Variants in NOP56 observed in about 807,000 individuals in gnomAD.
NOP56 encodes the protein nucleolar protein 56.
A neutral mutation model predicts 58.3 loss-of-function variants in NOP56; 31 were observed. That is an observed-to-expected ratio of 0.53 (90% CI 0.40 to 0.72). NOP56 has a LOEUF of 0.72. Among genes scored for constraint, NOP56 ranks in the 30% least tolerant of loss-of-function variants. NOP56 has a pLI of 0.00. For synonymous variants in NOP56, 313 were observed against 282.8 expected (o/e 1.11, Z -1.07); for missense variants, 669 against 739.9 (o/e 0.90, Z 1.11).
In NOP56 at chr20:2,656,783, C is replaced by A. The variant is rs1244539943; in HGVS notation, c.1169C>A (p.Thr390Lys). 6.2e-7 allele frequency: 1 copy of A among 1,613,944 alleles called. No individual in the cohort carries two copies. The highest frequency in any genetic ancestry group is 1.3e-5 in the African/African-American group (1 of 74,872). Residue 390 changes from threonine to lysine, a missense_variant, in exon 10 of 12, where the codon ACG becomes AAG. Physicochemically the swap from Thr to Lys is moderately conservative, Grantham distance 78 (BLOSUM62 -1). This residue lies in a region of NOP56 where 339 missense variants were observed against 430.5 expected (regional missense o/e 0.79). Coordinates refer to ENST00000329276, the MANE Select transcript of NOP56 (RefSeq NM_006392.4). ...ACCCACACACATCCAGAGGTGCCCA[C>A]GAGTGTATTCGGGGAGAAGCTTCGA... is the stretch of plus-strand genomic sequence containing the variant. Reference protein sequence around the residue: ...SRIDCFSEVPTSVFGEKLREQ... With the variant: ...SRIDCFSEVPKSVFGEKLREQ...
In NOP56 at chr20:2,653,407, C is replaced by T. The variant is rs569668110; in HGVS notation, c.208+14C>T. ...CCGTGTCTGAAGGTAAGTCGGCCAC[C>T]GCCAAGTGTCACAGAGAGATGTGGT... On this transcript the variant is annotated intron_variant, in intron 3 of 11. Coordinates refer to ENST00000329276, the MANE Select transcript of NOP56 (RefSeq NM_006392.4). 29 of 1,596,786 alleles carry T rather than the reference C, an allele frequency of 1.8e-5. No homozygotes were observed. The highest frequency in any genetic ancestry group is 2.4e-5 in the Non-Finnish European group (28 of 1,164,156).
In NOP56 at chr20:2,652,649, G is replaced by A; in HGVS notation, c.-12G>A. 7.0e-7 allele frequency: 1 copy of A among 1,425,360 alleles called. No individual in the cohort carries two copies. Among genetic ancestry groups the A allele is most frequent in the Non-Finnish European group, 9.1e-7 (1 of 1,097,670 alleles). The allele number at this position is 1,425,360 out of a possible 1,614,324, so 88.3% of individuals were successfully genotyped here. On this transcript the variant is annotated 5_prime_UTR_variant, in exon 1 of 12. Coordinates refer to ENST00000329276, the MANE Select transcript of NOP56 (RefSeq NM_006392.4). ...CTAGCCGCATTGCGAGCCGAACCCGGGAGCTGGCGCCATGGTGAGGAGTGG... is the reference window on the plus strand; with the variant it reads ...CTAGCCGCATTGCGAGCCGAACCCGAGAGCTGGCGCCATGGTGAGGAGTGG...
chr20:2,656,076 G>A (rs2086812831), intron 8 of NOP56, 42 bp downstream of exon 8: 1 of 1,613,800 alleles, frequency 6.2e-7, no homozygotes, highest in African/African-American at 1.3e-5. Context: ...TGCCACTTCT[G>A]GTGCCCACTG....
chr20:2,656,124 C>T (rs775814004), intron 8 of NOP56, 90 bp downstream of exon 8: 2 of 1,612,604 alleles, frequency 1.2e-6, no homozygotes, highest in Admixed American at 1.7e-5. Context: ...ACCAGGGCTC[C>T]CTGACCTATA....
chr20:2,652,757 GCGCC>G, intron 1 of NOP56, 81 bp from the exon 2 acceptor site: 1 of 510,076 alleles, frequency 2.0e-6, no homozygotes, highest in Non-Finnish European at 2.8e-6. Flanking sequence ...GCCTGGGCCT[GCGCC>G]TGCGCCTGCG....
chr20:2,657,329 A>T, intron 11 of NOP56, 111 bp downstream of exon 11: 1 of 1,478,706 alleles, frequency 6.8e-7, no homozygotes, highest in Non-Finnish European at 9.4e-7. Context: ...TTTTGGACTG[A>T]AACAAGGACC....
In NOP56 at chr20:2,654,404, T is replaced by C. The variant is rs1174811144; in HGVS notation, c.209-10T>C. The C allele has an allele frequency of 6.2e-7, 1 of 1,614,084 alleles. No individual in the cohort carries two copies. Among genetic ancestry groups the C allele is most frequent in the Admixed American group, 1.7e-5 (1 of 60,010 alleles). ...AGCCTGTTAGTGGGAACTGTGTTCTTTCCCCTGAGGGGTTGTTCATGAGGA... is the reference window on the plus strand; with the variant it reads ...AGCCTGTTAGTGGGAACTGTGTTCTCTCCCCTGAGGGGTTGTTCATGAGGA... On this transcript the variant is annotated splice_polypyrimidine_tract_variant and intron_variant, in intron 3 of 11. Coordinates refer to ENST00000329276, the MANE Select transcript of NOP56 (RefSeq NM_006392.4).
chr20:2,653,032 G>A (rs969565241), intron 2 of NOP56, 101 bp downstream of exon 2: 11 of 1,112,220 alleles, frequency 9.9e-6, no homozygotes, highest in Non-Finnish European at 1.4e-5. Context: ...GAGCGGTTCG[G>A]GGCGGGGGGA....
At chr20:2,652,757 G>GGT in intron 1 of NOP56, 85 bp from the exon 2 acceptor site, 2 of 510,074 alleles carry the variant, frequency 3.9e-6, no homozygotes, top group South Asian at 9.3e-5. Flanking sequence ...GCCTGGGCCT[G>GGT]CGCCTGCGCC....
In NOP56 at chr20:2,655,611, C is replaced by T. The variant is rs142927531; in HGVS notation, c.774C>T (p.Ala258=). Residue 258 remains alanine (A), a synonymous_variant, in exon 7 of 12, where the codon GCC becomes GCT. Transcript: ENST00000329276. ...SRSSMGMDIS[A]IDLINIESFS... ...TTTTCCTAGGCATGGACATATCTGC[C>T]ATTGACTTGATAAACATCGAGAGCT... The T allele has an allele frequency of 1.9e-5, 30 of 1,614,058 alleles. No individual in the cohort carries two copies. The highest frequency in any genetic ancestry group is 2.4e-5 in the Non-Finnish European group (28 of 1,180,046).
In NOP56 at chr20:2,656,826, A is replaced by C; in HGVS notation, c.1212A>C (p.Arg404=). ...GEKLREQVEE[R]LSFYETGEIP... is the part of the protein sequence containing the mutation. Reference sequence around the variant, plus strand: ...AGCTTCGAGAACAAGTTGAAGAGCGACTGTCCTTCTATGAGACTGGAGAGA... The same window carrying C: ...AGCTTCGAGAACAAGTTGAAGAGCGCCTGTCCTTCTATGAGACTGGAGAGA... The change falls in exon 10 of 12, where the codon CGA becomes CGC. Residue 404 remains arginine, a synonymous_variant. Transcript: ENST00000329276. The C allele has an allele frequency of 1.2e-6, 2 of 1,614,148 alleles. No individual in the cohort carries two copies. Among genetic ancestry groups the C allele is most frequent in the Non-Finnish European group, 1.7e-6 (2 of 1,180,036 alleles).
chr20:2,655,337 G>A lies in NOP56; in HGVS notation c.582G>A (p.Gly194=). 6.2e-7 allele frequency: 1 copy of A among 1,614,184 alleles called. No homozygotes were observed. ...TGGCTCTTTGCAGGGAGTGGTACGG[G>A]TATCACTTTCCGGAGCTGGTGAAGA... is the stretch of plus-strand genomic sequence containing the variant. ...TFSMRVREWY[G]YHFPELVKII... Residue 194 remains glycine (G), a synonymous_variant, in exon 6 of 12, where the codon GGG becomes GGA. Transcript: ENST00000329276.
At chr20:2,656,931 C>T (rs1022591396) in intron 10 of NOP56, 36 bp downstream of exon 10, 1 of 1,613,960 alleles carries the variant, frequency 6.2e-7, no homozygotes, top group Non-Finnish European at 8.5e-7. Context: ...AGTGGCATAG[C>T]TAGCTGTTGG....
intron 9 of NOP56, 96 bp from the exon 10 acceptor site, chr20:2,656,678 A>C (rs547455834): frequency 1.2e-6 from 2 of 1,609,980 alleles, no homozygotes; most frequent in East Asian, 2.2e-5. Context: ...GAGTGTTGAG[A>C]CTCTGGGTCT....
chr20:2,652,983 G>T, intron 2 of NOP56, 52 bp downstream of exon 2: 2 of 1,485,648 alleles, frequency 1.3e-6, no homozygotes. Flanking sequence ...CTCATCGCGC[G>T]GGTCCCAGCA....
rs767855779 is a variant in NOP56, at chr20:2,655,737, T to A, written c.900T>A (p.Ile300=). ...TAGCCCCCAGCCTGTCAGCCCTAAT[T>A]GGGGAAGCGGTGCGTCACAGGGGAC... ...SQVAPSLSAL[I]GEAVGARLIA... is the part of the protein sequence containing the mutation. Residue 300 remains isoleucine (I), a synonymous_variant, in exon 7 of 12, where the codon ATT becomes ATA. Coordinates refer to ENST00000329276, the MANE Select transcript of NOP56 (RefSeq NM_006392.4). The A allele has an allele frequency of 7.4e-6, 12 of 1,614,012 alleles. No individual in the cohort carries two copies. Among genetic ancestry groups the A allele is most frequent in the Non-Finnish European group, 1.0e-5 (12 of 1,180,028 alleles).
In NOP56 at chr20:2,654,511, C is replaced by G; in HGVS notation, c.306C>G (p.Ala102=). 6.2e-7 allele frequency: 1 copy of G among 1,614,120 alleles called. No homozygotes were observed. The highest frequency in any genetic ancestry group is 8.5e-7 in the Non-Finnish European group (1 of 1,180,024). Residue 102 remains alanine, a synonymous_variant, in exon 4 of 12, where the codon GCC becomes GCG. Transcript: ENST00000329276. ...LLGVGDPKIG[A]AIQEELGYNC... The stretch of plus-strand genomic sequence containing the variant: ...GAGTTGGGGATCCCAAGATTGGTGC[C>G]GCAATACAGGAGGAGTTAGGGTACA...
intron 3 of NOP56, 119 bp from the exon 4 acceptor site, chr20:2,654,295 G>A (rs534281812): frequency 1.0e-6 from 1 of 990,312 alleles, no homozygotes; most frequent in South Asian, 1.3e-5. Flanking sequence ...AATGCCTGAT[G>A]GGGAGGGATC....
Position 2,652,846 on chromosome 20 carries a change from T to TG in NOP56, c.9dup (p.Leu4ValfsTer6). ...GCGCCCCGGCTCCCGTTCCAGGTGCTGTTGCACGTGCTGTTTGAGCACGCG... is the reference window on the plus strand; with the variant it reads ...GCGCCCCGGCTCCCGTTCCAGGTGCTGGTTGCACGTGCTGTTTGAGCACGCG... On this transcript the variant is annotated frameshift_variant, in exon 2 of 12. Transcript: ENST00000329276. LOFTEE classifies it high-confidence loss of function. The TG allele has an allele frequency of 6.2e-7, 1 of 1,610,790 alleles. No individual in the cohort carries two copies. The highest frequency in any genetic ancestry group is 8.5e-7 in the Non-Finnish European group (1 of 1,179,010).
Sources: gnomAD v4.1 joint callset for allele counts on GRCh38, gnomAD v4.1.1 for gene constraint, gnomAD v4.1.1 regional missense constraint, MANE v1.5 for transcripts, NCBI Gene and HGNC (gene_info 2026-07-23, HGNC 2026-07-21) for gene names.